The following AGBL1 variants were observed in gnomAD, a reference collection of about 807,000 sequenced individuals.
AGBL1 encodes the protein AGBL carboxypeptidase 1.
In AGBL1, 130 loss-of-function variants were observed where a neutral mutation model predicts 118.9. That is an observed-to-expected ratio of 1.09 (90% CI 0.95 to 1.26). The LOEUF (loss-of-function observed/expected upper bound fraction) is 1.26. Ranked by LOEUF, AGBL1 falls within the 50% of genes most tolerant of loss-of-function variation. The pLI, the probability that AGBL1 is intolerant of heterozygous loss-of-function variation, is 0.00. For synonymous variants in AGBL1, 555 were observed against 478.9 expected, an observed-to-expected ratio of 1.16 and a Z score of -2.08; for missense variants, 1,584 against 1,298.1, an observed-to-expected ratio of 1.22 and a Z score of -3.38.
At chr15:86,085,494 C>T (rs147092947) in intron 1 of AGBL1, among the ~76,000 whole-genome samples, 1 of 152,152 alleles carries the variant, frequency 6.6e-6, no homozygotes, top group East Asian at 1.9e-4. Context: ...AGACAGTCAA[C>T]CAAGGTGATA....
rs117373590 is a variant in AGBL1 at position 86,240,732 on chromosome 15, C to T, written c.527-6939C>T. 2.8e-4 allele frequency among the ~76,000 whole-genome samples: 43 copies of T among 152,224 alleles called. No homozygotes were observed. In the East Asian group the frequency reaches 6.6e-3, roughly 23 times the overall value. ...AGTTCAGATGAATGGATTTTCAGGACGGCTCTGAAACAGTAGAGCTATTTA... is the reference window on the plus strand; with the variant it reads ...AGTTCAGATGAATGGATTTTCAGGATGGCTCTGAAACAGTAGAGCTATTTA... On this transcript the variant is annotated intron_variant, in intron 6 of 22. Coordinates refer to ENST00000614907, the MANE Select transcript of AGBL1 (RefSeq NM_001386094.1).
chr15:86,471,937 G>A (rs2082484793), intron 18 of AGBL1, among the ~76,000 whole-genome samples: 1 of 152,276 alleles, frequency 6.6e-6, no homozygotes, highest in South Asian at 2.1e-4. Context: ...TAGTTTATCT[G>A]AGTAAACCAT....
At chr15:86,567,733 C>T (rs557935825) in intron 21 of AGBL1, among the ~76,000 whole-genome samples, 1 of 152,032 alleles carries the variant, frequency 6.6e-6, no homozygotes, top group Non-Finnish European at 1.5e-5. Context: ...CACCTCAAAC[C>T]TTAGTGTGCA....
chr15:86,653,139 G>A (rs954776954), intron 21 of AGBL1, among the ~76,000 whole-genome samples: 4 of 146,404 alleles, frequency 2.7e-5, no homozygotes, highest in Non-Finnish European at 6.1e-5. Flanking sequence ...TTCTTGCACC[G>A]TCCTTCCATA....
chr15:86,621,092 A>G (rs375585841), intron 21 of AGBL1, among the ~76,000 whole-genome samples: 5 of 152,158 alleles, frequency 3.3e-5, no homozygotes, highest in Non-Finnish European at 5.9e-5. Context: ...TCTTCTTTGC[A>G]CTTTGGCCAT....
intron 24 of AGBL1, among the ~76,000 whole-genome samples, chr15:86,992,870 A>G (rs1010419): frequency 0.55 from 83,895 of 152,006 alleles, 25,202 homozygotes; most frequent in South Asian, 0.72. Flanking sequence ...AGCCATTGTT[A>G]TCTAGTCATA....
chr15:86,625,213 G>C (rs12592432), intron 21 of AGBL1, among the ~76,000 whole-genome samples: 1 of 152,098 alleles, frequency 6.6e-6, no homozygotes, highest in Non-Finnish European at 1.5e-5. Context: ...AATCCACAGA[G>C]ATGGGCCTCA....
At chr15:86,265,048 A>G (rs1242174161) in intron 11 of AGBL1, among the ~76,000 whole-genome samples, 1 of 152,182 alleles carries the variant, frequency 6.6e-6, no homozygotes, top group African/African-American at 2.4e-5. Context: ...GTAGGCATGC[A>G]TTTTCTGATG....
At chr15:86,192,302 C>T (rs1241205195) in intron 5 of AGBL1, among the ~76,000 whole-genome samples, 4 of 148,654 alleles carry the variant, frequency 2.7e-5, no homozygotes, top group South Asian at 2.1e-4. Flanking sequence ...TATAATGGAG[C>T]ATTTTATTAT....
intron 22 of AGBL1, among the ~76,000 whole-genome samples, chr15:86,700,890 G>A (rs1382253308): frequency 6.6e-6 from 1 of 152,090 alleles, no homozygotes; most frequent in Non-Finnish European, 1.5e-5. Flanking sequence ...TGGTGTTCAT[G>A]TGGTCTCCAC....
intron 20 of AGBL1, among the ~76,000 whole-genome samples, chr15:86,554,081 A>G (rs1315245276): frequency 2.0e-5 from 3 of 151,804 alleles, no homozygotes; most frequent in Non-Finnish European, 4.4e-5. Context: ...GCTGGTTTTG[A>G]ACTCCCGCCC....
chr15:86,364,361 A>G (rs1446092978), intron 17 of AGBL1, among the ~76,000 whole-genome samples: 1 of 152,218 alleles, frequency 6.6e-6, no homozygotes, highest in Non-Finnish European at 1.5e-5. Context: ...ATAATTTGAT[A>G]GTTACATTAA....
chr15:86,418,823 G>A (rs557829463), intron 18 of AGBL1, among the ~76,000 whole-genome samples: 11 of 152,190 alleles, frequency 7.2e-5, no homozygotes, highest in East Asian at 1.9e-4. Context: ...CATGCTTGTC[G>A]GGATGATTTA....
chr15:86,421,003 C>T (rs1323930747), intron 18 of AGBL1, among the ~76,000 whole-genome samples: 6 of 152,062 alleles, frequency 3.9e-5, no homozygotes, highest in African/African-American at 9.7e-5. Context: ...CTGAAAGTGA[C>T]GGGGAGAATG....
chr15:86,833,374 A>G (rs886811088), intron 22 of AGBL1, among the ~76,000 whole-genome samples: 1 of 152,062 alleles, frequency 6.6e-6, no homozygotes, highest in Non-Finnish European at 1.5e-5. Flanking sequence ...GCGGGAGGTA[A>G]TTGAATCATG....
At chr15:86,847,597 G>A (rs919649181) in intron 22 of AGBL1, among the ~76,000 whole-genome samples, 2 of 152,156 alleles carry the variant, frequency 1.3e-5, no homozygotes, top group Non-Finnish European at 2.9e-5. Context: ...AAACAATGAT[G>A]TTTGAGAGGT....
chr15:86,823,643 A>T (rs2078970336), intron 22 of AGBL1, among the ~76,000 whole-genome samples: 1 of 152,192 alleles, frequency 6.6e-6, no homozygotes, highest in Non-Finnish European at 1.5e-5. Flanking sequence ...GGAGAAATCT[A>T]TATGAGAATG....
At chr15:86,752,044 A>C (rs143045837) in intron 22 of AGBL1, among the ~76,000 whole-genome samples, 1 of 152,092 alleles carries the variant, frequency 6.6e-6, no homozygotes, top group Non-Finnish European at 1.5e-5. Flanking sequence ...TCTATATGGA[A>C]TAAATTAGCT....
intron 18 of AGBL1, among the ~76,000 whole-genome samples, chr15:86,410,276 C>G (rs930848191): frequency 3.9e-5 from 6 of 152,106 alleles, no homozygotes; most frequent in Admixed American, 1.3e-4. Context: ...CCTGTGTTAT[C>G]AGAACTGTAA....
Sources: gnomAD v4.1 joint callset for allele counts (sites outside exome capture counted in the v4.1 genomes callset) on GRCh38, gnomAD v4.1.1 for gene constraint, MANE v1.5 for transcripts, NCBI Gene and HGNC (gene_info 2026-07-23, HGNC 2026-07-21) for gene names.